MRPL13: variants seen among roughly 807,000 people sequenced by gnomAD.
MRPL13 encodes mitochondrial ribosomal protein L13, also known as large ribosomal subunit protein uL13m.
MRPL13 carries 33 observed loss-of-function variants against 29.0 expected under a neutral mutation model. The ratio of observed to expected loss-of-function variants is 1.14; its 90% CI spans 0.86 to 1.52. The LOEUF (loss-of-function observed/expected upper bound fraction) is 1.52. Among genes scored for constraint, MRPL13 ranks in the 40% most tolerant of loss-of-function variants. The pLI, the probability that MRPL13 is intolerant of heterozygous loss-of-function variation, is 0.00. For missense variants in MRPL13, 227 were observed against 216.7 expected (o/e 1.05, Z -0.30); for synonymous variants, 77 against 68.4 (o/e 1.13, Z -0.62).
chr8:120,420,006 A>C, intron 4 of MRPL13, 68 bp from the exon 5 acceptor site: 3 of 1,019,808 alleles, frequency 2.9e-6, no homozygotes, highest in Middle Eastern at 2.2e-4. Context: ...AAACATAATT[A>C]GAGATGATGA....
chr8:120,443,231 T>C lies in MRPL13; in HGVS notation c.105A>G (p.Ala35=), dbSNP rs1813144563. 1.9e-6 allele frequency: 3 copies of C among 1,609,508 alleles called. No individual in the cohort carries two copies. Among genetic ancestry groups the C allele is most frequent in the Non-Finnish European group, 2.5e-6 (3 of 1,178,004 alleles). Residue 35 remains alanine (A), a synonymous_variant, in exon 2 of 7, where the codon GCA becomes GCG. Transcript: ENST00000306185. ...MQPPGKLAAM[A]SIRLQGLHKP... The stretch of plus-strand genomic sequence containing the variant: ...TATGTAATCCCTGAAGTCTTATAGA[T>C]GCCATAGCAGCAAGTTTGCCAGGTG...
Position 120,396,313 on chromosome 8 carries a change from G to A in MRPL13, c.516-188C>T, listed in dbSNP as rs571377818. Among the ~76,000 whole-genome samples, 110 of 152,086 alleles carry A rather than the reference G, an allele frequency of 7.2e-4. 1 individual carries two copies. The highest frequency in any genetic ancestry group is 2.5e-3 in the African/African-American group (105 of 41,520). ...TCTTTATAAAGTAGAACAGTTAAGT[G>A]ACAACTCCAAAGTCTTTTTGAAAGT... On this transcript the variant is annotated intron_variant, in intron 6 of 6. Transcript: ENST00000306185.
chr8:120,401,807 G>A (rs1812601147), intron 6 of MRPL13, among the ~76,000 whole-genome samples: 1 of 152,096 alleles, frequency 6.6e-6, no homozygotes, highest in Non-Finnish European at 1.5e-5. Context: ...CAAAGTCTCA[G>A]GATACAAAAT....
chr8:120,420,165 A>T (rs1812853260), intron 4 of MRPL13, among the ~76,000 whole-genome samples: 1 of 151,924 alleles, frequency 6.6e-6, no homozygotes, highest in African/African-American at 2.4e-5. Flanking sequence ...AAAAGAAAAA[A>T]GATTAAAAGT....
chr8:120,411,819 C>G (rs573356862), intron 6 of MRPL13, among the ~76,000 whole-genome samples: 1 of 152,064 alleles, frequency 6.6e-6, no homozygotes, highest in South Asian at 2.1e-4. Flanking sequence ...CTAAGTTTCT[C>G]TAAAAATCTC....
At chr8:120,412,815 G>C (rs1812754891) in intron 6 of MRPL13, among the ~76,000 whole-genome samples, 1 of 152,078 alleles carries the variant, frequency 6.6e-6, no homozygotes, top group African/African-American at 2.4e-5. Flanking sequence ...AGCAGAGTTA[G>C]GAGCATGACC....
intron 2 of MRPL13, among the ~76,000 whole-genome samples, chr8:120,442,950 T>C (rs571187664): frequency 6.6e-6 from 1 of 152,246 alleles, no homozygotes; most frequent in African/African-American, 2.4e-5. Flanking sequence ...CTACTAATAA[T>C]TTCGCTGGGC....
chr8:120,418,040 A>T (rs1185138538), intron 5 of MRPL13, among the ~76,000 whole-genome samples: 3 of 152,154 alleles, frequency 2.0e-5, no homozygotes, highest in Non-Finnish European at 4.4e-5. Flanking sequence ...ATAGTCTAGT[A>T]GTTGCAACTT....
chr8:120,415,258 C>A (rs1812790366), intron 5 of MRPL13: 1 of 152,138 alleles, frequency 6.6e-6, no homozygotes. Context: ...GTCTTATAGG[C>A]ATTCTTATAA....
At chr8:120,404,920 T>C (rs1812647194) in intron 6 of MRPL13, among the ~76,000 whole-genome samples, 1 of 152,162 alleles carries the variant, frequency 6.6e-6, no homozygotes, top group African/African-American at 2.4e-5. Flanking sequence ...CTGATATGAT[T>C]ATCTTATACT....
intron 2 of MRPL13, among the ~76,000 whole-genome samples, chr8:120,435,948 T>C (rs1034370287): frequency 6.6e-6 from 1 of 152,170 alleles, no homozygotes; most frequent in Non-Finnish European, 1.5e-5. Flanking sequence ...TCTTTATGTA[T>C]GTCCTTTGCC....
At chr8:120,424,866 G>C (rs181480892) in intron 4 of MRPL13, among the ~76,000 whole-genome samples, 4 of 152,070 alleles carry the variant, frequency 2.6e-5, no homozygotes, top group Middle Eastern at 3.4e-3. Flanking sequence ...CCTGTAAGAA[G>C]AAATTAATCT....
At position 120,443,240 on chromosome 8, in the gene MRPL13, A is replaced by T; in HGVS notation, c.96T>A (p.Ala32=). The change falls in exon 2 of 7, where the codon GCT becomes GCA. Residue 32 remains alanine (A), a synonymous_variant. Transcript: ENST00000306185. ...DGKMQPPGKL[A]AMASIRLQGL... ...CCTGAAGTCTTATAGATGCCATAGC[A>T]GCAAGTTTGCCAGGTGGCTGCATTT... 1 of 1,610,548 alleles carries T rather than the reference A, an allele frequency of 6.2e-7. No individual in the cohort carries two copies. Among genetic ancestry groups the T allele is most frequent in the Non-Finnish European group, 8.5e-7 (1 of 1,178,128 alleles).
chr8:120,416,019 G>A (rs1318797760), intron 5 of MRPL13: 3 of 152,150 alleles, frequency 2.0e-5, no homozygotes, highest in Non-Finnish European at 4.4e-5. Context: ...TGAATACAAT[G>A]AGCCAAATTT....
At chr8:120,421,291 A>G (rs1812871677) in intron 4 of MRPL13, among the ~76,000 whole-genome samples, 1 of 151,868 alleles carries the variant, frequency 6.6e-6, no homozygotes, top group Non-Finnish European at 1.5e-5. Context: ...GAAAAAGAAC[A>G]TAAGGAAAGG....
chr8:120,441,442 T>A (rs1331864686), intron 2 of MRPL13, among the ~76,000 whole-genome samples: 2 of 151,840 alleles, frequency 1.3e-5, no homozygotes, highest in Non-Finnish European at 2.9e-5. Flanking sequence ...CATTTGAGAG[T>A]TTAGAAGGCT....
chr8:120,428,934 T>TGG (rs1421966095), intron 3 of MRPL13, among the ~76,000 whole-genome samples: 2 of 152,210 alleles, frequency 1.3e-5, no homozygotes, highest in Non-Finnish European at 2.9e-5. Flanking sequence ...GAAGACAGTG[T>TGG]GGCGATTCCT....
chr8:120,412,602 CTT>C (rs1812751955), intron 6 of MRPL13, among the ~76,000 whole-genome samples: 1 of 152,230 alleles, frequency 6.6e-6, no homozygotes, highest in African/African-American at 2.4e-5. Context: ...TTTTCTAAAA[CTT>C]AAGCTATTCA....
chr8:120,396,437 C>T (rs565157250), intron 6 of MRPL13, among the ~76,000 whole-genome samples: 33 of 151,954 alleles, frequency 2.2e-4, no homozygotes, highest in African/African-American at 7.2e-4. Context: ...TTATAAAGTC[C>T]TTATTGAAAA....
Sources: gnomAD v4.1 joint callset for allele counts (sites outside exome capture counted in the v4.1 genomes callset) on GRCh38, gnomAD v4.1.1 for gene constraint, MANE v1.5 for transcripts, NCBI Gene and HGNC (gene_info 2026-07-23, HGNC 2026-07-21) for gene names.